Variants in CFAP58 observed in about 807,000 individuals in gnomAD.
CFAP58 encodes the protein cilia- and flagella-associated protein 58.
In CFAP58, 88 loss-of-function variants were observed where a neutral mutation model predicts 119.5. The observed-to-expected ratio is 0.74, with a 90% confidence interval of 0.62 to 0.88. The LOEUF (loss-of-function observed/expected upper bound fraction) is 0.88, where lower values mean the gene tolerates loss of function less well. Among genes scored for constraint, CFAP58 ranks in the 40% least tolerant of loss-of-function variants. The pLI is 0.00. For missense variants in CFAP58, 990 were observed against 1,021.2 expected (o/e 0.97, Z 0.42); for synonymous variants, 365 against 366.3 (o/e 1.00, Z 0.04).
At chr10:104,431,012 G>T in intron 15 of CFAP58, among the ~76,000 whole-genome samples, 1 of 152,188 alleles carries the variant, frequency 6.6e-6, no homozygotes, top group South Asian at 2.1e-4. Context: ...CTACCACACT[G>T]ATGAGCACAG....
intron 15 of CFAP58, among the ~76,000 whole-genome samples, chr10:104,444,528 T>G (rs1350857664): frequency 6.6e-6 from 1 of 152,230 alleles, no homozygotes; most frequent in Non-Finnish European, 1.5e-5. Context: ...TTGGCCCTTG[T>G]AGAGGATTAC....
intron 9 of CFAP58, among the ~76,000 whole-genome samples, chr10:104,388,484 G>T (rs191595854): frequency 6.6e-6 from 1 of 152,050 alleles, no homozygotes; most frequent in South Asian, 2.1e-4. Flanking sequence ...CAAGATAGAG[G>T]GTAAAATAAC....
intron 8 of CFAP58, 27 bp from the exon 9 acceptor site, chr10:104,380,002 G>A: frequency 4.4e-6 from 7 of 1,596,370 alleles, no homozygotes; most frequent in Non-Finnish European, 6.0e-6. Context: ...TATGAGTAAT[G>A]TGACTGCTTT....
chr10:104,399,376 T>C lies in CFAP58; in HGVS notation c.1691T>C (p.Leu564Pro). Residue 564 changes from leucine to proline, a missense_variant, in exon 12 of 18, where the codon CTG (leucine) becomes CCG (proline). By Grantham distance (98) the Leu-to-Pro change is moderately conservative. Coordinates refer to ENST00000369704, the MANE Select transcript of CFAP58 (RefSeq NM_001008723.2). ...KETLKAELQK[L>P]RQQALETKHF... Reference sequence around the variant, plus strand: ...CTTTGTCAGGCTGAGCTGCAGAAGCTGAGACAACAAGCCCTGGAGACAAAA... The same window carrying C: ...CTTTGTCAGGCTGAGCTGCAGAAGCCGAGACAACAAGCCCTGGAGACAAAA... The C allele has an allele frequency of 6.2e-7, 1 of 1,613,768 alleles. No individual in the cohort carries two copies.
intron 1 of CFAP58, among the ~76,000 whole-genome samples, chr10:104,354,451 A>AC (rs1189669241): frequency 6.6e-6 from 1 of 150,634 alleles, no homozygotes; most frequent in African/African-American, 2.4e-5. Flanking sequence ...ATCTCGTATC[A>AC]CCCCACCACT....
chr10:104,361,352 C>G (rs905880528), intron 2 of CFAP58, among the ~76,000 whole-genome samples: 3 of 152,002 alleles, frequency 2.0e-5, no homozygotes, highest in Non-Finnish European at 2.9e-5. Flanking sequence ...TGGGAATTAC[C>G]AAGGTTGTTG....
chr10:104,357,830 TATATGTACAC>T lies in CFAP58; in HGVS notation c.10-496_10-487del, dbSNP rs1336185038. On this transcript the variant is annotated intron_variant, in intron 1 of 17. Transcript: ENST00000369704. Reference sequence around the variant, plus strand: ...ACATATATATGTACATATATACACATATATGTACACATATGTACACATATATACACATATA... The same window carrying T: ...ACATATATATGTACATATATACACATATATGTACACATATATACACATATA... 3.2e-3 allele frequency among the ~76,000 whole-genome samples: 435 copies of T among 136,246 alleles called. 20 individuals are homozygous for T. Among genetic ancestry groups the T allele is most frequent in the South Asian group, 9.0e-3 (37 of 4,114 alleles). 89.4% of individuals were successfully genotyped at this position (136,246 alleles called of 152,430 possible).
At chr10:104,454,182 T>C (rs1216623121) in intron 17 of CFAP58, among the ~76,000 whole-genome samples, 2 of 152,238 alleles carry the variant, frequency 1.3e-5, no homozygotes, top group African/African-American at 4.8e-5. Flanking sequence ...TGAGTTATAA[T>C]GAGGTCTTCT....
intron 15 of CFAP58, among the ~76,000 whole-genome samples, chr10:104,426,897 A>G (rs1005667213): frequency 1.3e-5 from 2 of 152,168 alleles, no homozygotes; most frequent in South Asian, 2.1e-4. Flanking sequence ...TAATCATTCA[A>G]TTTGTTTTTA....
chr10:104,349,987 G>T (rs899222466), upstream of CFAP58, among the ~76,000 whole-genome samples: 1 of 152,134 alleles, frequency 6.6e-6, no homozygotes, highest in Non-Finnish European at 1.5e-5. Context: ...ATGGGAGCTG[G>T]CACCAGAAAG....
chr10:104,439,372 A>G (rs1450002834), intron 15 of CFAP58, among the ~76,000 whole-genome samples: 1 of 152,210 alleles, frequency 6.6e-6, no homozygotes, highest in Non-Finnish European at 1.5e-5. Context: ...ATACTATAAT[A>G]TAATGTTGTC....
At chr10:104,385,312 A>C (rs1212714135) in intron 9 of CFAP58, among the ~76,000 whole-genome samples, 2 of 152,204 alleles carry the variant, frequency 1.3e-5, no homozygotes, top group Non-Finnish European at 2.9e-5. Flanking sequence ...GTTGTTGTAA[A>C]GGACAAGGTG....
At chr10:104,420,979 C>T (rs954063967) in intron 15 of CFAP58, among the ~76,000 whole-genome samples, 5 of 152,096 alleles carry the variant, frequency 3.3e-5, no homozygotes, top group African/African-American at 9.7e-5. Context: ...TCTTGAACTC[C>T]TGGGCTCAAG....
chr10:104,360,097 C>T (rs1206903440), intron 2 of CFAP58, among the ~76,000 whole-genome samples: 1 of 152,174 alleles, frequency 6.6e-6, no homozygotes, highest in Admixed American at 6.5e-5. Flanking sequence ...TAAATACTCT[C>T]TTCCACCCAT....
At chr10:104,340,193 C>A in the CFAP58 span, among the ~76,000 whole-genome samples, 1 of 152,182 alleles carries the variant, frequency 6.6e-6, no homozygotes, top group Non-Finnish European at 1.5e-5. Flanking sequence ...CATGAACTGG[C>A]CTCTGCTTAT....
rs115636603 is a variant in CFAP58 at position 104,415,801 on chromosome 10, C to G, written c.2256+9008C>G. 1.1e-3 allele frequency among the ~76,000 whole-genome samples: 170 copies of G among 152,296 alleles called. 1 individual carries two copies. Among genetic ancestry groups the G allele is most frequent in the African/African-American group, 3.8e-3 (158 of 41,550 alleles). On this transcript the variant is annotated intron_variant, in intron 15 of 17. Coordinates refer to ENST00000369704, the MANE Select transcript of CFAP58 (RefSeq NM_001008723.2). Reference sequence around the variant, plus strand: ...GGAGGGGCATTTTCCCAACCAAGTTCCCATTAGGCCTTCCTCTATTCTATC... The same window carrying G: ...GGAGGGGCATTTTCCCAACCAAGTTGCCATTAGGCCTTCCTCTATTCTATC...
chr10:104,401,894 TACC>T (rs2012272581), intron 13 of CFAP58, among the ~76,000 whole-genome samples: 1 of 152,142 alleles, frequency 6.6e-6, no homozygotes, highest in African/African-American at 2.4e-5. Context: ...TACCCAGAGA[TACC>T]ACCACTGACA....
At chr10:104,414,820 C>T (rs2012522148) in intron 15 of CFAP58, among the ~76,000 whole-genome samples, 1 of 152,174 alleles carries the variant, frequency 6.6e-6, no homozygotes, top group Non-Finnish European at 1.5e-5. Flanking sequence ...CAGGCGCCTG[C>T]CACCGCGCCC....
At chr10:104,440,524 A>G (rs1290867089) in intron 15 of CFAP58, among the ~76,000 whole-genome samples, 3 of 152,162 alleles carry the variant, frequency 2.0e-5, no homozygotes, top group African/African-American at 7.2e-5. Flanking sequence ...AACATTTATA[A>G]CCAGCAAAAC....
Sources: allele counts gnomAD v4.1 joint callset (sites outside exome capture counted in the v4.1 genomes callset), GRCh38; gene constraint gnomAD v4.1.1; transcripts MANE v1.5; gene names NCBI Gene and HGNC (gene_info 2026-07-23, HGNC 2026-07-21).